FAM163B: variants seen among roughly 807,000 people sequenced by gnomAD.
FAM163B encodes protein FAM163B.
In FAM163B, 4 loss-of-function variants were observed where a neutral mutation model predicts 7.6. That is an observed-to-expected ratio of 0.52 (90% CI 0.26 to 1.20). The LOEUF is 1.20. FAM163B is among the 50% of genes most tolerant of loss of function. FAM163B has a pLI of 0.14. For synonymous variants in FAM163B, 120 were observed against 111.6 expected (o/e 1.07, Z -0.47); for missense variants, 250 against 243.0 (o/e 1.03, Z -0.19).
intron 1 of FAM163B, among the ~76,000 whole-genome samples, chr9:133,594,182 G>T (rs924037980): frequency 1.3e-5 from 2 of 152,222 alleles, no homozygotes; most frequent in African/African-American, 4.8e-5. Flanking sequence ...TTCCTTTACA[G>T]CGCATTTGTT....
At position 133,600,484 on chromosome 9, in the gene FAM163B, G is replaced by T. The variant is rs892486868; in HGVS notation, c.-24+8593C>A. ...GCCCAGGTCACCTGGCACTTACGAG[G>T]GAAGCCCCAGATGGCCCCTGCAGCT... On this transcript the variant is annotated intron_variant, in intron 1 of 2. Transcript: ENST00000673969. The surrounding 1 kb of genome is among the most constrained non-coding windows in gnomAD (Gnocchi z 4.9). Among the ~76,000 whole-genome samples, 1 of 152,184 alleles carries T rather than the reference G, an allele frequency of 6.6e-6. No individual in the cohort carries two copies. Among genetic ancestry groups the T allele is most frequent in the Non-Finnish European group, 1.5e-5 (1 of 68,022 alleles).
chr9:133,609,094 G>T lies in FAM163B; in HGVS notation c.-41C>A, dbSNP rs1358331592. On this transcript the variant is annotated 5_prime_UTR_variant, in exon 1 of 3. Transcript: ENST00000673969. Reference sequence around the variant, plus strand: ...GCCCTTACCTTGAAGCATGGGAACCGCGCTGCCCCGGCCGCGAGGACTTGG... The same window carrying T: ...GCCCTTACCTTGAAGCATGGGAACCTCGCTGCCCCGGCCGCGAGGACTTGG... 1.3e-5 allele frequency among the ~76,000 whole-genome samples: 2 copies of T among 152,166 alleles called. No homozygotes were observed. Among genetic ancestry groups the T allele is most frequent in the Admixed American group, 1.3e-4 (2 of 15,288 alleles).
intron 1 of FAM163B, among the ~76,000 whole-genome samples, chr9:133,596,738 C>T (rs7847916): frequency 0.65 from 99,576 of 152,056 alleles, 33,949 homozygotes; most frequent in African/African-American, 0.85. Flanking sequence ...CGTGGGGGAC[C>T]GTGGAGCCAC....
intron 1 of FAM163B, among the ~76,000 whole-genome samples, chr9:133,583,134 G>A (rs1411082467): frequency 2.6e-5 from 4 of 152,318 alleles, no homozygotes; most frequent in African/African-American, 9.6e-5. Context: ...GGAGGCTCGT[G>A]CCCGAGTGTT....
chr9:133,589,404 G>C (rs760100856), intron 1 of FAM163B, among the ~76,000 whole-genome samples: 13 of 152,350 alleles, frequency 8.5e-5, no homozygotes, highest in Admixed American at 4.6e-4. Context: ...AGCATGGGGA[G>C]AGAAAAGCAC....
Position 133,578,236 on chromosome 9 carries a change from T to C in FAM163B, c.*786A>G, listed in dbSNP as rs1370347194. Among the ~76,000 whole-genome samples the C allele has an allele frequency of 1.3e-5, 2 of 152,160 alleles. No individual in the cohort carries two copies. Among genetic ancestry groups the C allele is most frequent in the African/African-American group, 4.8e-5 (2 of 41,432 alleles). ...GCCGCTTGCTGGCCCTGTTTCTGGC[T>C]GAGCACTGGGTCTATACATTTCCAC... On this transcript the variant is annotated 3_prime_UTR_variant, in exon 3 of 3. Coordinates refer to ENST00000673969, the MANE Select transcript of FAM163B (RefSeq NM_001080515.3).
chr9:133,585,975 C>T (rs1319157517), intron 1 of FAM163B: 1 of 152,274 alleles, frequency 6.6e-6, no homozygotes, highest in Admixed American at 6.5e-5. Context: ...GCTCCCATTA[C>T]CTGGAAGCCC....
intron 1 of FAM163B, among the ~76,000 whole-genome samples, chr9:133,580,499 G>A (rs1831340687): frequency 6.6e-6 from 1 of 152,350 alleles, no homozygotes; most frequent in Non-Finnish European, 1.5e-5. Flanking sequence ...TAATAGCACA[G>A]GGTTTTGTGA....
At chr9:133,602,829 T>G (rs923207340) in intron 1 of FAM163B, among the ~76,000 whole-genome samples, 7 of 152,188 alleles carry the variant, frequency 4.6e-5, no homozygotes, top group Non-Finnish European at 7.4e-5. Context: ...ATTTTTCTAG[T>G]AAAATATTGG....
chr9:133,579,516 G>A (rs1016356603), intron 2 of FAM163B, 87 bp from the exon 3 acceptor site: 8 of 1,464,690 alleles, frequency 5.5e-6, no homozygotes, highest in Non-Finnish European at 7.3e-6. Flanking sequence ...ACTGGGGAGG[G>A]GAGATAGGCA....
chr9:133,585,353 G>A (rs1463698369), intron 1 of FAM163B, among the ~76,000 whole-genome samples: 2 of 152,024 alleles, frequency 1.3e-5, no homozygotes, highest in South Asian at 4.2e-4. Context: ...TGGGCCACAC[G>A]TCCCGTGCTG....
At chr9:133,591,635 G>A (rs1054407686) in intron 1 of FAM163B, among the ~76,000 whole-genome samples, 2 of 152,212 alleles carry the variant, frequency 1.3e-5, no homozygotes, top group African/African-American at 2.4e-5. Flanking sequence ...CGGACTCAGG[G>A]GGGCGGAGAA....
rs868235779 is a variant in FAM163B at position 133,602,018 on chromosome 9, C to T, written c.-24+7059G>A. On this transcript the variant is annotated intron_variant, in intron 1 of 2. Coordinates refer to ENST00000673969, the MANE Select transcript of FAM163B (RefSeq NM_001080515.3). Reference sequence around the variant, plus strand: ...CTGGGTGGGGCTCCACGGGCCGCACCGGGGCTGGGTTCTATCCTCAGCTGG... The same window carrying T: ...CTGGGTGGGGCTCCACGGGCCGCACTGGGGCTGGGTTCTATCCTCAGCTGG... Among the ~76,000 whole-genome samples, 3 of 152,114 alleles carry T rather than the reference C, an allele frequency of 2.0e-5. No homozygotes were observed. The East Asian group carries it at 5.8e-4, about 29-fold the overall frequency.
rs1394046997 is a variant in FAM163B, at chr9:133,578,809, G to C, written c.*213C>G. 1 of 893,798 alleles carries C rather than the reference G, an allele frequency of 1.1e-6. No individual in the cohort carries two copies. The highest frequency in any genetic ancestry group is 2.9e-5 in the East Asian group (1 of 35,048). 55.4% of individuals were successfully genotyped at this position (893,798 alleles called of 1,614,324 possible). ...CTGGTCCTTCTAGCCCCAGGCCCCA[G>C]CTGTGCCTCCCCCCAGGACACATTT... On this transcript the variant is annotated 3_prime_UTR_variant, in exon 3 of 3. Coordinates refer to ENST00000673969, the MANE Select transcript of FAM163B (RefSeq NM_001080515.3).
chr9:133,590,766 C>T (rs978679231), intron 1 of FAM163B, among the ~76,000 whole-genome samples: 1 of 152,194 alleles, frequency 6.6e-6, no homozygotes, highest in Admixed American at 6.5e-5. Flanking sequence ...CCCGGAAACT[C>T]TGCCCCCAGC....
chr9:133,590,070 TCCCTTCCCCTTC>T lies in FAM163B; in HGVS notation c.-23-9836_-23-9825del, dbSNP rs1564193444. On this transcript the variant is annotated intron_variant, in intron 1 of 2. Transcript: ENST00000673969. Reference sequence around the variant, plus strand: ...CCCTTCCCTTCCCTTCCCTTCCCCTTCCCTTCCCCTTCCCCTTCCCTTCCCCTTCCCCTTCCC... The same window carrying T: ...CCCTTCCCTTCCCTTCCCTTCCCCTTCCCTTCCCTTCCCCTTCCCCTTCCC... Among the ~76,000 whole-genome samples, 24 of 14,510 alleles carry T rather than the reference TCCCTTCCCCTTC, an allele frequency of 1.7e-3. 2 individuals carry two copies. The highest frequency in any genetic ancestry group is 5.9e-3 in the African/African-American group (22 of 3,754). The allele number at this position is 14,510 out of a possible 152,430, so 9.5% of individuals were successfully genotyped here. A position where few individuals can be genotyped will look rare whatever the true frequency, so the allele number is the denominator to read the frequency against.
At chr9:133,602,379 C>T (rs533957876) in intron 1 of FAM163B, among the ~76,000 whole-genome samples, 2 of 152,004 alleles carry the variant, frequency 1.3e-5, no homozygotes, top group African/African-American at 4.8e-5. Context: ...TGGGGTCCCA[C>T]GCTTGCGACT....
chr9:133,604,510 A>C (rs78873211), intron 1 of FAM163B, among the ~76,000 whole-genome samples: 2,053 of 151,974 alleles, frequency 0.014, 39 homozygotes, highest in African/African-American at 0.046. Context: ...CAACCAACAA[A>C]AGCTGAATAG....
At chr9:133,589,085 A>G (rs1470869496) in intron 1 of FAM163B, among the ~76,000 whole-genome samples, 1 of 152,166 alleles carries the variant, frequency 6.6e-6, no homozygotes, top group Non-Finnish European at 1.5e-5. Flanking sequence ...ATGCTCAGCA[A>G]TACCCCCGGA....
Sources: gnomAD v4.1 joint callset for allele counts (sites outside exome capture counted in the v4.1 genomes callset) on GRCh38, gnomAD v4.1.1 for gene constraint, Gnocchi (gnomAD v3.1) non-coding constraint, MANE v1.5 for transcripts, NCBI Gene and HGNC (gene_info 2026-07-23, HGNC 2026-07-21) for gene names.